LRIF1: variants seen among roughly 807,000 people sequenced by gnomAD.
The protein encoded by LRIF1 is ligand dependent nuclear receptor interacting factor 1.
LRIF1 carries 32 observed loss-of-function variants against 52.7 expected under a neutral mutation model. The observed-to-expected ratio is 0.61, with a 90% CI of 0.46 to 0.82. The LOEUF is 0.82. LRIF1 is among the 40% of genes least tolerant of loss of function. The pLI, the probability that LRIF1 is intolerant of heterozygous loss-of-function variation, is 0.00. For missense variants in LRIF1, 887 were observed against 892.0 expected, an observed-to-expected ratio of 0.99 and a Z score of 0.07; for synonymous variants, 323 against 317.4, an observed-to-expected ratio of 1.02 and a Z score of -0.19.
At chr1:110,910,721 T>A in the LRIF1 span, among the ~76,000 whole-genome samples, 1 of 152,132 alleles carries the variant, frequency 6.6e-6, no homozygotes, top group African/African-American at 2.4e-5. Flanking sequence ...CATAATTACA[T>A]GAAAATTAAA....
the LRIF1 span, among the ~76,000 whole-genome samples, chr1:110,903,581 T>C: frequency 6.6e-6 from 1 of 151,716 alleles, no homozygotes; most frequent in African/African-American, 2.4e-5. Flanking sequence ...ATTCATCACC[T>C]GCTAAGTGAA....
chr1:110,915,061 C>G, the LRIF1 span, among the ~76,000 whole-genome samples: 2 of 152,096 alleles, frequency 1.3e-5, no homozygotes, highest in African/African-American at 4.8e-5. Flanking sequence ...TTATCATAAA[C>G]TTACAATGGG....
Position 110,947,961 on chromosome 1 carries a change from A to G in LRIF1, c.2308T>C (p.Ter770GlnextTer4). The G allele has an allele frequency of 6.4e-7, 1 of 1,567,716 alleles. No homozygotes were observed. The highest frequency in any genetic ancestry group is 2.3e-5 in the East Asian group (1 of 44,414). ...CACTGAAGTCTTTACAGGAGATTTT[A>G]TTTTTGGTGCATCTTCTTACGCATT... The part of the protein sequence containing the change: ...EEMRKKMHQK[*>Q] Residue 770 changes from the stop codon to glutamine (Q), a stop_lost, in exon 4 of 4, where the codon TAA becomes CAA. Transcript: ENST00000369763.
chr1:110,928,756 G>A, the LRIF1 span, among the ~76,000 whole-genome samples: 8 of 152,102 alleles, frequency 5.3e-5, no homozygotes, highest in Non-Finnish European at 1.2e-4. Context: ...CTGGGAATAT[G>A]CCTGCTATAT....
At chr1:110,959,195 T>C (rs540830451) in intron 1 of LRIF1, among the ~76,000 whole-genome samples, 2 of 152,208 alleles carry the variant, frequency 1.3e-5, no homozygotes, top group South Asian at 2.1e-4. Context: ...TGAAAAATAA[T>C]ACAGTTTAAC....
the LRIF1 span, among the ~76,000 whole-genome samples, chr1:110,885,421 C>T: frequency 1.6e-4 from 24 of 152,306 alleles, 1 homozygote; most frequent in Middle Eastern, 3.4e-3. Flanking sequence ...GCCTGTAGTC[C>T]TAGCCACTCG....
the LRIF1 span, among the ~76,000 whole-genome samples, chr1:110,907,658 C>T: frequency 2.6e-5 from 4 of 152,110 alleles, no homozygotes; most frequent in East Asian, 1.9e-4. Context: ...TGCTTGAATC[C>T]GGGATGCAGA....
intron 1 of LRIF1, among the ~76,000 whole-genome samples, chr1:110,959,558 T>C (rs1464652370): frequency 1.3e-5 from 2 of 151,900 alleles, no homozygotes; most frequent in Non-Finnish European, 2.9e-5. Context: ...GAGACCATCC[T>C]GGCCAACATG....
downstream of LRIF1, chr1:110,944,894 CT>C (rs1163747677): frequency 4.5e-5 from 6 of 133,748 alleles, no homozygotes; most frequent in Non-Finnish European, 1.6e-5. Context: ...CTCAAGGTTG[CT>C]GTTTTTTTTT....
chr1:110,885,792 A>T, the LRIF1 span, among the ~76,000 whole-genome samples: 5 of 151,710 alleles, frequency 3.3e-5, no homozygotes, highest in East Asian at 9.7e-4. Flanking sequence ...TGAACCTGAG[A>T]GGCGGAGGTT....
chr1:110,895,669 G>A, the LRIF1 span, among the ~76,000 whole-genome samples: 1 of 151,992 alleles, frequency 6.6e-6, no homozygotes, highest in African/African-American at 2.4e-5. Flanking sequence ...GTAGCCCTGG[G>A]GAAGTCACTT....
the LRIF1 span, among the ~76,000 whole-genome samples, chr1:110,936,144 A>G: frequency 6.6e-6 from 1 of 152,196 alleles, no homozygotes; most frequent in Non-Finnish European, 1.5e-5. Flanking sequence ...TTTCCCAGAC[A>G]AACAAAAGCT....
At chr1:110,892,325 T>C in the LRIF1 span, 24 of 1,603,132 alleles carry the variant, frequency 1.5e-5, no homozygotes, top group Non-Finnish European at 1.8e-5. Context: ...TTCAGGATGT[T>C]GTGGGATTCT....
the LRIF1 span, among the ~76,000 whole-genome samples, chr1:110,926,457 C>T: frequency 6.6e-6 from 1 of 151,828 alleles, no homozygotes; most frequent in African/African-American, 2.4e-5. Context: ...TATATTTATA[C>T]TAAGCACTTT....
chr1:110,893,219 G>A, the LRIF1 span, among the ~76,000 whole-genome samples: 11 of 152,222 alleles, frequency 7.2e-5, no homozygotes, highest in African/African-American at 2.4e-4. Flanking sequence ...TCTACCAATA[G>A]GCGTGGGTTT....
chr1:110,904,448 G>C, the LRIF1 span, among the ~76,000 whole-genome samples: 7 of 152,134 alleles, frequency 4.6e-5, no homozygotes, highest in Non-Finnish European at 1.0e-4. Flanking sequence ...AAGAGAGAGA[G>C]AATCCCTTAG....
At chr1:110,892,266 A>G in the LRIF1 span, 29 of 992,150 alleles carry the variant, frequency 2.9e-5, no homozygotes, top group South Asian at 3.6e-4. Context: ...AGTGATTCTG[A>G]TCTCAAGGAA....
At chr1:110,903,556 C>T in the LRIF1 span, among the ~76,000 whole-genome samples, 2 of 152,240 alleles carry the variant, frequency 1.3e-5, no homozygotes, top group Admixed American at 1.3e-4. Context: ...AAGGGAAGAA[C>T]CCAGTCCTGG....
At chr1:110,883,707 C>G in the LRIF1 span, among the ~76,000 whole-genome samples, 14 of 151,972 alleles carry the variant, frequency 9.2e-5, no homozygotes, top group South Asian at 2.7e-3. Flanking sequence ...TTTTAAACTC[C>G]AAATTCAGTT....
Sources: gnomAD v4.1 joint callset for allele counts (sites outside exome capture counted in the v4.1 genomes callset) on GRCh38, gnomAD v4.1.1 for gene constraint, MANE v1.5 for transcripts, NCBI Gene and HGNC (gene_info 2026-07-23, HGNC 2026-07-21) for gene names.